RAD54L: variants seen among roughly 807,000 people sequenced by gnomAD.
RAD54L encodes RAD54 like, also known as DNA repair and recombination protein RAD54-like.
Under a neutral mutation model 91.6 loss-of-function variants are expected in RAD54L, and 74 were observed. That is an observed-to-expected ratio of 0.81 (90% CI 0.67 to 0.98). The LOEUF is 0.98. Among genes scored for constraint, RAD54L ranks in the 50% least tolerant of loss-of-function variants. The pLI, the probability that RAD54L is intolerant of heterozygous loss-of-function variation, is 0.00. For missense variants in RAD54L, 887 were observed against 945.7 expected, an observed-to-expected ratio of 0.94 and a Z score of 0.81; for synonymous variants, 304 against 349.7, an observed-to-expected ratio of 0.87 and a Z score of 1.46.
chr1:46,249,338 T>C (rs1202797714), intron 2 of RAD54L, among the ~76,000 whole-genome samples: 4 of 152,202 alleles, frequency 2.6e-5, no homozygotes, highest in Admixed American at 1.3e-4. Flanking sequence ...GCTTCAAATA[T>C]CCTGGCAAGC....
intron 3 of RAD54L, among the ~76,000 whole-genome samples, chr1:46,257,035 T>G (rs1032644009): frequency 2.6e-5 from 4 of 151,472 alleles, no homozygotes; most frequent in African/African-American, 9.7e-5. Flanking sequence ...TCCCAGCTAC[T>G]TGGGAGGCTG....
At chr1:46,276,756 G>A (rs570632699) in intron 16 of RAD54L, among the ~76,000 whole-genome samples, 1 of 152,188 alleles carries the variant, frequency 6.6e-6, no homozygotes, top group South Asian at 2.1e-4. Context: ...TTTATTTTTC[G>A]TCTCTTCGAA....
intron 7 of RAD54L, 108 bp downstream of exon 7, chr1:46,261,123 A>G: frequency 6.5e-7 from 1 of 1,542,522 alleles, no homozygotes; most frequent in Non-Finnish European, 8.8e-7. Flanking sequence ...GGTAGAAGAA[A>G]AGAGAATTTC....
At chr1:46,256,149 C>T (rs1659934592) in intron 3 of RAD54L, among the ~76,000 whole-genome samples, 1 of 151,694 alleles carries the variant, frequency 6.6e-6, no homozygotes, top group Non-Finnish European at 1.5e-5. Flanking sequence ...GTAGTTGTAG[C>T]TCACTGCAGC....
At chr1:46,258,971 G>A (rs1569577160) in intron 4 of RAD54L, among the ~76,000 whole-genome samples, 2 of 152,088 alleles carry the variant, frequency 1.3e-5, no homozygotes, top group African/African-American at 4.8e-5. Context: ...GAGGTGTCCC[G>A]GTGCTCAGAA....
Position 46,278,424 on chromosome 1 carries a change from A to C in RAD54L, c.*142A>C. 9.7e-7 allele frequency: 1 copy of C among 1,027,100 alleles called. No individual in the cohort carries two copies. Among genetic ancestry groups the C allele is most frequent in the East Asian group, 2.6e-5 (1 of 38,534 alleles). 63.6% of individuals were successfully genotyped at this position (1,027,100 alleles called of 1,614,324 possible). ...ATGATGTTTGCCCAAAATTTATTTT[A>C]TAAGAAAAACTTTTTTGGTTAAAAA... On this transcript the variant is annotated 3_prime_UTR_variant, in exon 18 of 18. Coordinates refer to ENST00000371975, the MANE Select transcript of RAD54L (RefSeq NM_003579.4).
At position 46,260,088 on chromosome 1, in the gene RAD54L, G is replaced by C. The variant is rs2148287193; in HGVS notation, c.396G>C (p.Leu132=). 2 of 1,614,242 alleles carry C rather than the reference G, an allele frequency of 1.2e-6. No individual in the cohort carries two copies. Among genetic ancestry groups the C allele is most frequent in the Non-Finnish European group, 8.5e-7 (1 of 1,180,046 alleles). ...EPPPLSAHDQ[L]KLDKEKLPVH... ...CCCCGCTGAGCGCTCATGACCAGCT[G>C]AAGCTTGACAAGTATGTGCACTGGT... Residue 132 remains leucine (L), a synonymous_variant, in exon 5 of 18, where the codon CTG becomes CTC. Transcript: ENST00000371975.
At chr1:46,257,158 A>C (rs1183722210) in intron 3 of RAD54L, among the ~76,000 whole-genome samples, 2 of 151,754 alleles carry the variant, frequency 1.3e-5, no homozygotes, top group Non-Finnish European at 2.9e-5. Context: ...AAAAAAAAAA[A>C]AAAAACCCCA....
chr1:46,248,717 CTT>C lies in RAD54L; in HGVS notation c.90+122_90+123del. 7.0e-6 allele frequency: 6 copies of C among 857,540 alleles called. No homozygotes were observed. The South Asian group carries it at 7.2e-5, about 10-fold the overall frequency. 53.1% of individuals were successfully genotyped at this position (857,540 alleles called of 1,614,324 possible). ...ATGCCTCTTTTGTATGTTCAATAAA[CTT>C]TTAGTGAGTACTTACTATGTGCCAG... On this transcript the variant is annotated intron_variant, in intron 2 of 17. Coordinates refer to ENST00000371975, the MANE Select transcript of RAD54L (RefSeq NM_003579.4).
At position 46,260,756 on chromosome 1, in the gene RAD54L, C is replaced by T. The variant is rs2148288094; in HGVS notation, c.507C>T (p.Thr169=). The stretch of plus-strand genomic sequence containing the variant: ...TGAAATTCCTGTGGGAGTGTGTCAC[C>T]AGTCGGCGCATCCCTGGCAGCCATG... ...EGVKFLWECV[T]SRRIPGSHGC... is the part of the protein sequence containing the mutation. Residue 169 remains threonine (T), a synonymous_variant, in exon 7 of 18, where the codon ACC becomes ACT. Coordinates refer to ENST00000371975, the MANE Select transcript of RAD54L (RefSeq NM_003579.4). The T allele has an allele frequency of 6.2e-7, 1 of 1,614,178 alleles. No homozygotes were observed. Among genetic ancestry groups the T allele is most frequent in the Non-Finnish European group, 8.5e-7 (1 of 1,180,044 alleles).
At chr1:46,255,492 CTTTTT>C (rs869103738) in intron 3 of RAD54L, among the ~76,000 whole-genome samples, 2 of 80,814 alleles carry the variant, frequency 2.5e-5, no homozygotes, top group Non-Finnish European at 4.9e-5. Context: ...TTGGCCATTC[CTTTTT>C]TTTTTTTTTT....
chr1:46,276,590 A>T (rs1325275947), intron 16 of RAD54L, among the ~76,000 whole-genome samples: 3 of 152,134 alleles, frequency 2.0e-5, no homozygotes, highest in African/African-American at 7.2e-5. Flanking sequence ...TACCTTCTTG[A>T]AATTTCCTTA....
At chr1:46,250,460 C>G (rs755774914) in intron 3 of RAD54L, among the ~76,000 whole-genome samples, 49 of 152,162 alleles carry the variant, frequency 3.2e-4, no homozygotes, top group Admixed American at 6.6e-4. Context: ...TAAAGTCAAA[C>G]TTAATCACCA....
intron 3 of RAD54L, among the ~76,000 whole-genome samples, chr1:46,252,657 T>C (rs747090897): frequency 1.3e-5 from 2 of 152,004 alleles, no homozygotes; most frequent in African/African-American, 4.8e-5. Context: ...TGGCATTTGG[T>C]GGGAGGGAGA....
chr1:46,273,611 C>G lies in RAD54L; in HGVS notation c.1487-13C>G, dbSNP rs1235112078. On this transcript the variant is annotated splice_polypyrimidine_tract_variant and intron_variant, in intron 13 of 17. Coordinates refer to ENST00000371975, the MANE Select transcript of RAD54L (RefSeq NM_003579.4). ...ACAGCCAGTAGGGGACTGCTGGTTG[C>G]TGCTCTTCCCAGGTAAGATGCTGGT... is the stretch of plus-strand genomic sequence containing the variant. 6.2e-7 allele frequency: 1 copy of G among 1,613,140 alleles called. No homozygotes were observed. The highest frequency in any genetic ancestry group is 1.1e-5 in the South Asian group (1 of 91,020).
intron 4 of RAD54L, 131 bp from the exon 5 acceptor site, chr1:46,259,833 T>C: frequency 8.2e-7 from 1 of 1,219,156 alleles, no homozygotes; most frequent in South Asian, 1.2e-5. Context: ...AAACTGAGTT[T>C]GGAGGCATTC....
In RAD54L at chr1:46,260,741, G is replaced by A. The variant is rs200520187; in HGVS notation, c.492G>A (p.Leu164=). The A allele has an allele frequency of 1.4e-5, 22 of 1,614,116 alleles. No individual in the cohort carries two copies. Among genetic ancestry groups the A allele is most frequent in the Middle Eastern group, 1.6e-4 (1 of 6,084 alleles). Residue 164 remains leucine (L), a synonymous_variant, in exon 7 of 18, where the codon CTG becomes CTA. Transcript: ENST00000371975. Reference sequence around the variant, plus strand: ...TTATTCTCTAGGGAGTGAAATTCCTGTGGGAGTGTGTCACCAGTCGGCGCA... The same window carrying A: ...TTATTCTCTAGGGAGTGAAATTCCTATGGGAGTGTGTCACCAGTCGGCGCA... The part of the protein sequence containing the change: ...RPHQREGVKF[L]WECVTSRRIP...
chr1:46,272,325 G>A, intron 10 of RAD54L, 141 bp from the exon 11 acceptor site: 1 of 790,530 alleles, frequency 1.3e-6, no homozygotes, highest in Non-Finnish European at 2.2e-6. Flanking sequence ...TTACTGGCGT[G>A]AGCCACTGCG....
At chr1:46,251,643 A>G (rs1173718006) in intron 3 of RAD54L, among the ~76,000 whole-genome samples, 1 of 152,238 alleles carries the variant, frequency 6.6e-6, no homozygotes, top group Non-Finnish European at 1.5e-5. Flanking sequence ...ATGTTGGTTC[A>G]TGCCTGTAAT....
Sources: gnomAD v4.1 joint callset for allele counts (sites outside exome capture counted in the v4.1 genomes callset) on GRCh38, gnomAD v4.1.1 for gene constraint, MANE v1.5 for transcripts, NCBI Gene and HGNC (gene_info 2026-07-23, HGNC 2026-07-21) for gene names.